The following TRIM36 variants were observed in gnomAD, a reference collection of about 807,000 sequenced individuals.
TRIM36 encodes the protein E3 ubiquitin-protein ligase TRIM36.
TRIM36 carries 42 observed loss-of-function variants against 72.4 expected under a neutral mutation model. That is an observed-to-expected ratio of 0.58 (90% CI 0.45 to 0.75). The LOEUF (loss-of-function observed/expected upper bound fraction) is 0.75, where lower values mean the gene tolerates loss of function less well. Ranked by LOEUF, TRIM36 falls within the 30% of genes least tolerant of loss-of-function variation. The probability of loss-of-function intolerance (pLI) is 0.00; values close to 1 mark genes in which losing one functional copy is unlikely to be tolerated. For missense variants in TRIM36, 913 were observed against 857.1 expected (o/e 1.07, Z -0.81); for synonymous variants, 315 against 282.8 (o/e 1.11, Z -1.14).
At chr5:115,169,471 A>T in intron 1 of TRIM36, 137 bp downstream of exon 1, 1 of 942,320 alleles carries the variant, frequency 1.1e-6, no homozygotes, top group Non-Finnish European at 1.5e-6. Context: ...GAAGGCGAAG[A>T]GGAAGCGGGA....
rs1362017664 is a variant in TRIM36 at position 115,137,391 on chromosome 5, C to A, written c.1057G>T (p.Val353Leu). The change falls in exon 6 of 10, where the codon GTG becomes TTG. Residue 353 changes from valine (V) to leucine (L), a missense_variant. By Grantham distance (32) the Val-to-Leu change is conservative. Coordinates refer to ENST00000513154, the MANE Select transcript of TRIM36 (RefSeq NM_001300759.2). Reference protein sequence around the residue: ...VLKETDQSCFVQTAKQLHLRI... With the variant: ...VLKETDQSCFLQTAKQLHLRI... Reference sequence around the variant, plus strand: ...AGGTGGAGCTGCTTTGCTGTCTGCACAAAGCAAGACTGATCTGTCTCCTTT... The same window carrying A: ...AGGTGGAGCTGCTTTGCTGTCTGCAAAAAGCAAGACTGATCTGTCTCCTTT... 2.5e-6 allele frequency: 4 copies of A among 1,612,106 alleles called. No homozygotes were observed. Among genetic ancestry groups the A allele is most frequent in the East Asian group, 4.5e-5 (2 of 44,862 alleles).
At chr5:115,178,938 G>A (rs933926774) in intron 1 of TRIM36, among the ~76,000 whole-genome samples, 2 of 152,134 alleles carry the variant, frequency 1.3e-5, no homozygotes, top group African/African-American at 4.8e-5. Context: ...TATATCTGCG[G>A]CGTTGGAGTT....
rs1267601644 is a variant in TRIM36 at position 115,125,784 on chromosome 5, T to A, written c.*719A>T. ...AAAGTGAGAAGTTTAATGTGTTAGC[T>A]GAGAACTTTGTGTTTTCTGCAAGAA... On this transcript the variant is annotated 3_prime_UTR_variant, in exon 10 of 10. Coordinates refer to ENST00000513154, the MANE Select transcript of TRIM36 (RefSeq NM_001300759.2). 2 of 152,172 alleles carry A rather than the reference T, an allele frequency of 1.3e-5. No homozygotes were observed. The highest frequency in any genetic ancestry group is 3.2e-3 in the Middle Eastern group (1 of 316). The allele number at this position is 152,172 out of a possible 1,614,324, so 9.4% of individuals were successfully genotyped here.
Position 115,126,153 on chromosome 5 carries a change from A to T in TRIM36, c.*350T>A, listed in dbSNP as rs1580628202. 12 of 200,742 alleles carry T rather than the reference A, an allele frequency of 6.0e-5. No homozygotes were observed. The East Asian group carries it at 1.4e-3, about 23-fold the overall frequency. The allele number at this position is 200,742 out of a possible 1,614,324, so 12.4% of individuals were successfully genotyped here. A position where few individuals can be genotyped will look rare whatever the true frequency, so the allele number is the denominator to read the frequency against. ...AAAAATGAAAAGTCAAACAGAAGAGAATCATAATAAATACTTTTGTATCCC... is the reference window on the plus strand; with the variant it reads ...AAAAATGAAAAGTCAAACAGAAGAGTATCATAATAAATACTTTTGTATCCC... On this transcript the variant is annotated 3_prime_UTR_variant, in exon 10 of 10. Coordinates refer to ENST00000513154, the MANE Select transcript of TRIM36 (RefSeq NM_001300759.2).
chr5:115,161,957 G>C (rs1349109291), intron 2 of TRIM36, among the ~76,000 whole-genome samples: 1 of 152,206 alleles, frequency 6.6e-6, no homozygotes, highest in East Asian at 1.9e-4. Flanking sequence ...AGTGGCAGAA[G>C]TCTGATATAC....
intron 2 of TRIM36, among the ~76,000 whole-genome samples, chr5:115,154,592 C>G (rs913736104): frequency 2.0e-5 from 3 of 152,054 alleles, no homozygotes; most frequent in African/African-American, 7.2e-5. Flanking sequence ...CTAGAAGAGA[C>G]AGATAAATTA....
chr5:115,163,671 G>T lies in TRIM36; in HGVS notation c.109C>A (p.Gln37Lys), dbSNP rs1430123509. The T allele has an allele frequency of 1.9e-6, 3 of 1,614,018 alleles. No homozygotes were observed. The highest frequency in any genetic ancestry group is 2.5e-6 in the Non-Finnish European group (3 of 1,180,034). Reference sequence around the variant, plus strand: ...ACACATTTATGACAGATACTATGTTGGCAAGGGAGAATCAATGGGTGGGTA... The same window carrying T: ...ACACATTTATGACAGATACTATGTTTGCAAGGGAGAATCAATGGGTGGGTA... ...LFTHPLILPC[Q>K]HSICHKCVKE... is the part of the protein sequence containing the mutation. The change falls in exon 2 of 10, where the codon CAA (glutamine) becomes AAA (lysine). Residue 37 changes from glutamine to lysine, a missense_variant. By Grantham distance (53) the Gln-to-Lys change is moderately conservative (BLOSUM62 1). Transcript: ENST00000513154.
rs971007711 is a variant in TRIM36, at chr5:115,138,917, G to A, written c.832-1301C>T. 3.3e-5 allele frequency among the ~76,000 whole-genome samples: 5 copies of A among 152,054 alleles called. No individual in the cohort carries two copies. In the East Asian group the frequency reaches 5.8e-4, roughly 18 times the overall value. On this transcript the variant is annotated intron_variant, in intron 5 of 9. Transcript: ENST00000513154. The stretch of plus-strand genomic sequence containing the variant: ...TGCAAGCTCCGCCTCCAAGGTTCAC[G>A]CCATTCTCCTGCCTCAGCCTCCCGA...
At chr5:115,180,082 C>G (rs193300592) in exon 1 of TRIM36, 3 of 1,567,326 alleles carry the variant, frequency 1.9e-6, no homozygotes, top group Non-Finnish European at 8.8e-7. Context: ...GCGGGTGTAT[C>G]GAATTTGTCC....
Position 115,125,196 on chromosome 5 carries a change from A to T in TRIM36, c.*1307T>A, listed in dbSNP as rs1752316486. The T allele has an allele frequency of 1.3e-5, 2 of 152,154 alleles. No homozygotes were observed. The highest frequency in any genetic ancestry group is 2.9e-5 in the Non-Finnish European group (2 of 67,974). The allele number at this position is 152,154 out of a possible 1,614,324, so 9.4% of individuals were successfully genotyped here. The stretch of plus-strand genomic sequence containing the variant: ...TACCCTGTTAAAACATGTCAAAAGC[A>T]TTCCATAAATGATTACTGCTACAAT... On this transcript the variant is annotated 3_prime_UTR_variant, in exon 10 of 10. Transcript: ENST00000513154.
chr5:115,144,482 A>C (rs1753466984), intron 4 of TRIM36, 116 bp downstream of exon 4: 1 of 1,263,536 alleles, frequency 7.9e-7, no homozygotes, highest in East Asian at 2.5e-5. Flanking sequence ...GTAACACTTT[A>C]ACTCATTTTA....
rs753354250 is a variant in TRIM36, at chr5:115,144,579, T to C, written c.735+19A>G. ...AAAGTTACGAAGAATCAAAATTCTG[T>C]TCCAAAAATAAGTCCTACCTTTAAG... On this transcript the variant is annotated intron_variant, in intron 4 of 9. Coordinates refer to ENST00000513154, the MANE Select transcript of TRIM36 (RefSeq NM_001300759.2). The C allele has an allele frequency of 6.2e-7, 1 of 1,610,940 alleles. No homozygotes were observed. Among genetic ancestry groups the C allele is most frequent in the Non-Finnish European group, 8.5e-7 (1 of 1,179,352 alleles).
chr5:115,129,810 T>C (rs1752553138), intron 9 of TRIM36, among the ~76,000 whole-genome samples: 1 of 152,204 alleles, frequency 6.6e-6, no homozygotes, highest in Non-Finnish European at 1.5e-5. Flanking sequence ...TCCCCATTTT[T>C]TTCAATATGC....
chr5:115,154,051 T>C (rs1460391901), intron 2 of TRIM36, among the ~76,000 whole-genome samples: 2 of 151,312 alleles, frequency 1.3e-5, no homozygotes, highest in African/African-American at 4.9e-5. Context: ...TGCAAATACA[T>C]GGAAATTAAA....
At chr5:115,133,333 A>T (rs566512617) in intron 8 of TRIM36, among the ~76,000 whole-genome samples, 1 of 152,168 alleles carries the variant, frequency 6.6e-6, no homozygotes, top group African/African-American at 2.4e-5. Context: ...ATGACTGGGC[A>T]TAAGGAGCTT....
At position 115,130,834 on chromosome 5, in the gene TRIM36, C is replaced by T; in HGVS notation, c.1554G>A (p.Leu518=). The T allele has an allele frequency of 6.2e-7, 1 of 1,613,930 alleles. No individual in the cohort carries two copies. The highest frequency in any genetic ancestry group is 8.5e-7 in the Non-Finnish European group (1 of 1,179,944). The part of the protein sequence containing the change: ...KCGYNNEHLL[L]NLKRDRVESR... ...TCTCTACACGGTCTCTCTTCAAGTT[C>T]AGCAGGAGGTGTTCATTATTATAGC... The change falls in exon 9 of 10, where the codon CTG becomes CTA. Residue 518 remains leucine, a synonymous_variant. Transcript: ENST00000513154.
chr5:115,160,910 C>T (rs1171597003), intron 2 of TRIM36, among the ~76,000 whole-genome samples: 3 of 152,034 alleles, frequency 2.0e-5, no homozygotes, highest in Non-Finnish European at 4.4e-5. Flanking sequence ...AGGAATATTA[C>T]TCATGAATCT....
At chr5:115,155,072 C>T (rs893073049) in intron 2 of TRIM36, among the ~76,000 whole-genome samples, 6 of 152,064 alleles carry the variant, frequency 3.9e-5, no homozygotes, top group African/African-American at 1.4e-4. Context: ...GCTTGTAATC[C>T]CAGCTACTCG....
intron 1 of TRIM36, among the ~76,000 whole-genome samples, chr5:115,179,357 C>G (rs957016570): frequency 5.8e-4 from 89 of 152,348 alleles, no homozygotes; most frequent in African/African-American, 2.0e-3. Context: ...AAATCCCGCT[C>G]CTCCAGCATC....
Sources: allele counts gnomAD v4.1 joint callset (sites outside exome capture counted in the v4.1 genomes callset), GRCh38; gene constraint gnomAD v4.1.1; transcripts MANE v1.5; gene names NCBI Gene and HGNC (gene_info 2026-07-23, HGNC 2026-07-21).